AUTS2: variants seen among roughly 807,000 people sequenced by gnomAD.
AUTS2 encodes autism susceptibility gene 2 protein.
In AUTS2, 17 loss-of-function variants were observed where a neutral mutation model predicts 112.4. The ratio of observed to expected loss-of-function variants is 0.15; its 90% CI spans 0.10 to 0.23. AUTS2 has a LOEUF of 0.23. AUTS2 is among the 10% of genes least tolerant of loss of function. AUTS2 has a pLI of 1.00. For synonymous variants in AUTS2, 751 were observed against 702.7 expected (o/e 1.07, Z -1.09); for missense variants, 1,510 against 1,701.6 (o/e 0.89, Z 1.98).
intron 10 of AUTS2, among the ~76,000 whole-genome samples, chr7:70,769,913 G>A (rs1790229097): frequency 6.6e-6 from 1 of 152,036 alleles, no homozygotes; most frequent in East Asian, 1.9e-4. Context: ...TATTCTAAGA[G>A]GTCAATGATG....
At chr7:70,318,079 A>G (rs1047553553) in intron 4 of AUTS2, among the ~76,000 whole-genome samples, 1 of 152,182 alleles carries the variant, frequency 6.6e-6, no homozygotes, top group East Asian at 1.9e-4. Flanking sequence ...TTCAAGGATT[A>G]TGTGGGGATC....
chr7:70,296,091 G>GT (rs1788921940), intron 4 of AUTS2, among the ~76,000 whole-genome samples: 1 of 152,126 alleles, frequency 6.6e-6, no homozygotes, highest in Non-Finnish European at 1.5e-5. Context: ...CAGCTGACCT[G>GT]TGGCATAGTG....
intron 1 of AUTS2, among the ~76,000 whole-genome samples, chr7:69,677,769 G>A (rs1359117971): frequency 2.0e-5 from 3 of 152,132 alleles, no homozygotes; most frequent in Non-Finnish European, 2.9e-5. Context: ...TGTTAATTTT[G>A]TAGTTGTATT....
chr7:70,079,323 T>A (rs960935038), intron 2 of AUTS2, among the ~76,000 whole-genome samples: 2 of 152,070 alleles, frequency 1.3e-5, no homozygotes, highest in Non-Finnish European at 2.9e-5. Context: ...AAAACCTTTA[T>A]TAGAAGTTAA....
At chr7:70,003,309 A>G (rs1397267420) in intron 2 of AUTS2, among the ~76,000 whole-genome samples, 1 of 132,156 alleles carries the variant, frequency 7.6e-6, no homozygotes, top group Non-Finnish European at 1.5e-5. Context: ...TATATTATAT[A>G]TGAATATATA....
chr7:70,276,402 T>A (rs549405591), intron 4 of AUTS2, among the ~76,000 whole-genome samples: 9 of 149,230 alleles, frequency 6.0e-5, no homozygotes, highest in Non-Finnish European at 1.0e-4. Context: ...TGAGATGGAG[T>A]CTTGCTCTGT....
At chr7:70,392,165 C>T (rs1474632930) in intron 4 of AUTS2, among the ~76,000 whole-genome samples, 5 of 152,170 alleles carry the variant, frequency 3.3e-5, no homozygotes, top group Non-Finnish European at 7.3e-5. Flanking sequence ...GACTGTTCCT[C>T]GCCCTAGACA....
chr7:70,208,036 C>T (rs1199438354), intron 4 of AUTS2, among the ~76,000 whole-genome samples: 2 of 133,568 alleles, frequency 1.5e-5, no homozygotes, highest in African/African-American at 5.7e-5. Flanking sequence ...AAAAAAAAAC[C>T]AACAAAAAAT....
chr7:69,619,139 T>A (rs1448588191), intron 1 of AUTS2, among the ~76,000 whole-genome samples: 2 of 152,208 alleles, frequency 1.3e-5, no homozygotes, highest in Non-Finnish European at 2.9e-5. Flanking sequence ...AAGCATTTTT[T>A]AATGTGGTTC....
At chr7:70,618,998 A>G (rs561390549) in intron 5 of AUTS2, among the ~76,000 whole-genome samples, 3 of 152,218 alleles carry the variant, frequency 2.0e-5, no homozygotes, top group Admixed American at 1.3e-4. Context: ...CATACACACC[A>G]TACGTATGTG....
chr7:69,838,762 T>C (rs915160529), intron 1 of AUTS2, among the ~76,000 whole-genome samples: 1 of 152,216 alleles, frequency 6.6e-6, no homozygotes, highest in African/African-American at 2.4e-5. Flanking sequence ...TTAAGTGGGA[T>C]AGGCCAGGCA....
chr7:70,291,052 A>G (rs952235189), intron 4 of AUTS2: 1 of 152,206 alleles, frequency 6.6e-6, no homozygotes, highest in South Asian at 2.1e-4. Context: ...GCCTAAATAC[A>G]CATTTCTCCA....
intron 5 of AUTS2, among the ~76,000 whole-genome samples, chr7:70,629,993 G>A (rs1428989172): frequency 6.6e-6 from 1 of 152,112 alleles, no homozygotes; most frequent in East Asian, 1.9e-4. Flanking sequence ...TGAAATGTAG[G>A]AATAGAGTGG....
chr7:70,541,087 C>T lies in AUTS2; in HGVS notation c.690+105306C>T, dbSNP rs74318424. 4.7e-3 allele frequency among the ~76,000 whole-genome samples: 714 copies of T among 152,300 alleles called. 7 individuals are homozygous for T. Among genetic ancestry groups the T allele is most frequent in the African/African-American group, 0.017 (686 of 41,570 alleles). On this transcript the variant is annotated intron_variant, in intron 5 of 18. Transcript: ENST00000342771. The stretch of plus-strand genomic sequence containing the variant: ...AAATCTAAATCCAGTCCCCTTTCTA[C>T]CTCTTATCCCTCCAGGCATTTGAAA...
intron 1 of AUTS2, among the ~76,000 whole-genome samples, chr7:69,829,280 A>G (rs1791392739): frequency 6.6e-6 from 1 of 152,230 alleles, no homozygotes; most frequent in Non-Finnish European, 1.5e-5. Context: ...ACCCCAAACC[A>G]TAAAAAACCT....
chr7:69,720,072 T>G (rs1042828633), intron 1 of AUTS2, among the ~76,000 whole-genome samples: 15 of 152,194 alleles, frequency 9.9e-5, no homozygotes, highest in Non-Finnish European at 2.9e-5. Flanking sequence ...AGAAGAGTTT[T>G]GTAAGAAATG....
intron 2 of AUTS2, among the ~76,000 whole-genome samples, chr7:69,959,178 C>T (rs1453951231): frequency 7.9e-5 from 12 of 152,196 alleles, no homozygotes; most frequent in Non-Finnish European, 4.4e-5. Flanking sequence ...AATATAACTG[C>T]TATTCTTTAC....
At chr7:70,282,332 T>C (rs1277122781) in intron 4 of AUTS2, among the ~76,000 whole-genome samples, 2 of 152,132 alleles carry the variant, frequency 1.3e-5, no homozygotes, top group Non-Finnish European at 2.9e-5. Context: ...CTTAGTCCAC[T>C]CAGGCTGCTA....
At chr7:70,271,430 C>T (rs545931673) in intron 4 of AUTS2, among the ~76,000 whole-genome samples, 1 of 152,162 alleles carries the variant, frequency 6.6e-6, no homozygotes, top group African/African-American at 2.4e-5. Flanking sequence ...CCTTTTCATC[C>T]TCTCTTCGTC....
Sources: gnomAD v4.1 joint callset for allele counts (sites outside exome capture counted in the v4.1 genomes callset) on GRCh38, gnomAD v4.1.1 for gene constraint, MANE v1.5 for transcripts, NCBI Gene and HGNC (gene_info 2026-07-23, HGNC 2026-07-21) for gene names.